GNL2: variants seen among roughly 807,000 people sequenced by gnomAD.
GNL2 encodes G protein nucleolar 2.
A neutral mutation model predicts 92.3 loss-of-function variants in GNL2; 51 were observed. That is an observed-to-expected ratio of 0.55 (90% CI 0.44 to 0.70). The LOEUF is 0.70. Ranked by LOEUF, GNL2 falls within the 30% of genes least tolerant of loss-of-function variation. GNL2 has a pLI of 0.00. For synonymous variants in GNL2, 283 were observed against 300.6 expected (o/e 0.94, Z 0.61); for missense variants, 844 against 895.6 (o/e 0.94, Z 0.74).
Position 37,566,868 on chromosome 1 carries a change from C to A in GNL2, c.2183G>T (p.Arg728Ile). The change falls in exon 16 of 16, where the codon AGA becomes ATA. Residue 728 changes from arginine to isoleucine, a missense_variant. Coordinates refer to ENST00000373062, the MANE Select transcript of GNL2 (RefSeq NM_013285.3). ...EGQKHKRKKFRQKQ is the reference protein window; with the variant it reads ...EGQKHKRKKFIQKQ ...ACCTTTTAAACATTACTGCTTTTGT[C>A]TGAATTTTTTGCGTTTGTGTTTCTG... 1 of 1,613,194 alleles carries A rather than the reference C, an allele frequency of 6.2e-7. No individual in the cohort carries two copies. The highest frequency in any genetic ancestry group is 2.2e-5 in the East Asian group (1 of 44,880).
At chr1:37,572,166 T>C (rs1000411046) in intron 12 of GNL2, among the ~76,000 whole-genome samples, 5 of 151,970 alleles carry the variant, frequency 3.3e-5, no homozygotes, top group African/African-American at 4.8e-5. Flanking sequence ...CCCCTTAGCC[T>C]GGTTTAGTTT....
intron 6 of GNL2, among the ~76,000 whole-genome samples, chr1:37,583,507 A>G (rs1643803666): frequency 6.6e-6 from 1 of 152,254 alleles, no homozygotes; most frequent in South Asian, 2.1e-4. Context: ...AAACCTTTCT[A>G]GACAGGAGTC....
chr1:37,582,114 C>A (rs1643779590), intron 8 of GNL2, 109 bp downstream of exon 8: 4 of 666,084 alleles, frequency 6.0e-6, no homozygotes, highest in Non-Finnish European at 1.0e-5. Context: ...ACCTGCGCAA[C>A]CACGTCCGGC....
intron 8 of GNL2, chr1:37,581,226 T>C (rs1350016814): frequency 5.2e-6 from 2 of 387,894 alleles, no homozygotes; most frequent in South Asian, 3.8e-5. Flanking sequence ...ACAGAACTAA[T>C]GGCTATTGGA....
At position 37,567,695 on chromosome 1, in the gene GNL2, G is replaced by A. The variant is rs748319512; in HGVS notation, c.2021C>T (p.Pro674Leu). The A allele has an allele frequency of 1.9e-6, 3 of 1,613,142 alleles. No homozygotes were observed. Among genetic ancestry groups the A allele is most frequent in the Admixed American group, 3.3e-5 (2 of 60,000 alleles). ...TACTTCTTTTGATGTAAGCGCCCTG[G>A]GAGCTTTATTTGAATGTTCCTGTTC... ...EEEQEHSNKA[P>L]RALTSKERRR... is the part of the protein sequence containing the mutation. Residue 674 changes from proline to leucine, a missense_variant, in exon 15 of 16, where the codon CCC becomes CTC. Physicochemically the swap from Pro to Leu is moderately conservative, Grantham distance 98. Coordinates refer to ENST00000373062, the MANE Select transcript of GNL2 (RefSeq NM_013285.3).
intron 4 of GNL2, among the ~76,000 whole-genome samples, chr1:37,590,136 C>T (rs541734226): frequency 7.9e-5 from 12 of 152,146 alleles, no homozygotes; most frequent in African/African-American, 1.2e-4. Flanking sequence ...GACGGAGTTT[C>T]GCTCCTGTTG....
At chr1:37,586,229 T>A (rs1244621630) in intron 5 of GNL2, among the ~76,000 whole-genome samples, 2 of 152,158 alleles carry the variant, frequency 1.3e-5, no homozygotes, top group Non-Finnish European at 2.9e-5. Context: ...TGGGCTCCAG[T>A]GATCCTCCCA....
intron 12 of GNL2, among the ~76,000 whole-genome samples, chr1:37,573,242 C>T (rs543614135): frequency 7.2e-5 from 11 of 152,332 alleles, no homozygotes; most frequent in Admixed American, 5.2e-4. Context: ...CTGCAGAATA[C>T]ATTCAACTGA....
intron 13 of GNL2, 102 bp downstream of exon 13, chr1:37,568,749 C>T (rs1643547244): frequency 1.2e-6 from 1 of 831,428 alleles, no homozygotes. Flanking sequence ...ACCGAACAAA[C>T]AAATGGCAAT....
chr1:37,567,039 A>G (rs776820404), intron 15 of GNL2, 32 bp from the exon 16 acceptor site: 8 of 1,600,882 alleles, frequency 5.0e-6, no homozygotes, highest in African/African-American at 2.7e-5. Context: ...GATGAAGAAA[A>G]AAAACAACAA....
intron 3 of GNL2, among the ~76,000 whole-genome samples, chr1:37,591,504 CTTTT>C (rs34721968): frequency 2.2e-5 from 3 of 135,006 alleles, no homozygotes; most frequent in Admixed American, 7.4e-5. Flanking sequence ...TATATTTACT[CTTTT>C]TTTTTTTTTT....
At position 37,575,030 on chromosome 1, in the gene GNL2, CA is replaced by C. The variant is rs1166471637; in HGVS notation, c.1144-208del. On this transcript the variant is annotated intron_variant, in intron 10 of 15. Coordinates refer to ENST00000373062, the MANE Select transcript of GNL2 (RefSeq NM_013285.3). This position sits in a 1 kb window ranked among gnomAD's most constrained non-coding sequence, Gnocchi z 4.1. The stretch of plus-strand genomic sequence containing the variant: ...GACCATAGCCACGGAGCCCAGAACT[CA>C]GCTTTAATCCCCACTCACCACAAAC... Among the ~76,000 whole-genome samples the C allele has an allele frequency of 2.6e-5, 4 of 152,336 alleles. No homozygotes were observed. In the East Asian group the frequency reaches 7.7e-4, roughly 29 times the overall value.
chr1:37,581,614 A>T, intron 8 of GNL2: 1 of 435,408 alleles, frequency 2.3e-6, no homozygotes, highest in Non-Finnish European at 4.6e-6. Context: ...ACACTTCAGA[A>T]TCTCTTATAA....
chr1:37,576,257 A>G, intron 9 of GNL2, 171 bp downstream of exon 9: 2 of 593,160 alleles, frequency 3.4e-6, no homozygotes. Context: ...TCTCAGTCTT[A>G]TCAAAGTGGG....
chr1:37,593,754 G>A lies in GNL2; in HGVS notation c.149+8C>T, dbSNP rs898359863. 16 of 1,604,720 alleles carry A rather than the reference G, an allele frequency of 1.0e-5. No homozygotes were observed. The highest frequency in any genetic ancestry group is 1.4e-5 in the Non-Finnish European group (16 of 1,171,584). On this transcript the variant is annotated splice_region_variant and intron_variant, in intron 2 of 15. Coordinates refer to ENST00000373062, the MANE Select transcript of GNL2 (RefSeq NM_013285.3). ...AAAAGAGAAAGGATGACAGCACCCA[G>A]TGCTCACCTGCGCTCCTTTTGCCTA... is the stretch of plus-strand genomic sequence containing the variant.
chr1:37,593,407 G>A, intron 2 of GNL2: 1 of 198,514 alleles, frequency 5.0e-6, no homozygotes, highest in Non-Finnish European at 1.0e-5. Context: ...CTACATTTTG[G>A]CATTAAAAAA....
At chr1:37,587,531 A>G in intron 4 of GNL2, 36 bp from the exon 5 acceptor site, 2 of 1,462,062 alleles carry the variant, frequency 1.4e-6, no homozygotes, top group Non-Finnish European at 1.9e-6. Flanking sequence ...AAAACTAAGA[A>G]AAGCACTGAG....
At chr1:37,595,096 T>C (rs571922201) in intron 1 of GNL2, among the ~76,000 whole-genome samples, 1 of 152,354 alleles carries the variant, frequency 6.6e-6, no homozygotes, top group South Asian at 2.1e-4. Flanking sequence ...GAATAATTTA[T>C]TATCAATCCG....
intron 8 of GNL2, 106 bp downstream of exon 8, chr1:37,582,117 C>G: frequency 1.5e-6 from 1 of 678,560 alleles, no homozygotes; most frequent in Non-Finnish European, 2.5e-6. Context: ...TGCGCAACCA[C>G]GTCCGGCTAA....
Sources: allele counts gnomAD v4.1 joint callset (sites outside exome capture counted in the v4.1 genomes callset), GRCh38; gene constraint gnomAD v4.1.1; non-coding constraint Gnocchi (gnomAD v3.1); transcripts MANE v1.5; gene names NCBI Gene and HGNC (gene_info 2026-07-23, HGNC 2026-07-21).